Variants in IGF2BP2 observed in about 807,000 individuals in gnomAD.
IGF2BP2 encodes the protein insulin-like growth factor 2 mRNA-binding protein 2.
A neutral mutation model predicts 75.8 loss-of-function variants in IGF2BP2; 17 were observed. The ratio of observed to expected loss-of-function variants is 0.22; its 90% confidence interval spans 0.15 to 0.34. The LOEUF (loss-of-function observed/expected upper bound fraction) is 0.34, where lower values mean the gene tolerates loss of function less well. IGF2BP2 is among the 10% of genes least tolerant of loss of function. IGF2BP2 has a pLI of 1.00. For synonymous variants in IGF2BP2, 288 were observed against 295.6 expected, an observed-to-expected ratio of 0.97 and a Z score of 0.26; for missense variants, 516 against 772.4, an observed-to-expected ratio of 0.67 and a Z score of 3.93.
At chr3:185,793,892 G>A (rs1736969329) in intron 2 of IGF2BP2, among the ~76,000 whole-genome samples, 1 of 151,290 alleles carries the variant, frequency 6.6e-6, no homozygotes, top group East Asian at 1.9e-4. Flanking sequence ...AGGATGGACA[G>A]TAGATTGAAG....
chr3:185,803,383 T>A (rs1738546046), intron 2 of IGF2BP2, among the ~76,000 whole-genome samples: 1 of 152,100 alleles, frequency 6.6e-6, no homozygotes, highest in African/African-American at 2.4e-5. Context: ...AGCCCTAAAT[T>A]ACAGTATTAC....
chr3:185,821,155 C>A, intron 2 of IGF2BP2: 1 of 1,449,018 alleles, frequency 6.9e-7, no homozygotes, highest in Non-Finnish European at 9.0e-7. Context: ...CTAATTTCTG[C>A]ATTTAAACTA....
chr3:185,659,238 AAG>A (rs1316200393), intron 10 of IGF2BP2, among the ~76,000 whole-genome samples: 2 of 151,990 alleles, frequency 1.3e-5, no homozygotes, highest in Non-Finnish European at 2.9e-5. Context: ...AGAAAAAAAA[AAG>A]AGAGAGAGTG....
intron 2 of IGF2BP2, among the ~76,000 whole-genome samples, chr3:185,703,407 G>A (rs1240781621): frequency 6.6e-6 from 1 of 152,056 alleles, no homozygotes; most frequent in African/African-American, 2.4e-5. Flanking sequence ...ATTTAGTTAC[G>A]GTAGAATTTG....
intron 2 of IGF2BP2, among the ~76,000 whole-genome samples, chr3:185,786,424 T>G (rs2060836127): frequency 6.6e-6 from 1 of 152,188 alleles, no homozygotes; most frequent in East Asian, 1.9e-4. Flanking sequence ...GGTTCCTGCC[T>G]TCACTGATGA....
intron 2 of IGF2BP2, among the ~76,000 whole-genome samples, chr3:185,707,848 T>C (rs1029106693): frequency 5.9e-5 from 9 of 152,188 alleles, no homozygotes; most frequent in Admixed American, 5.9e-4. Flanking sequence ...CCTCAACTCA[T>C]TCTGTGCAAT....
intron 2 of IGF2BP2, among the ~76,000 whole-genome samples, chr3:185,748,557 T>C (rs1287325343): frequency 3.3e-5 from 5 of 152,216 alleles, no homozygotes; most frequent in African/African-American, 4.8e-5. Context: ...AGACCAGCAG[T>C]AGAAACTGCT....
At chr3:185,756,688 A>C (rs1731662391) in intron 2 of IGF2BP2, among the ~76,000 whole-genome samples, 1 of 152,132 alleles carries the variant, frequency 6.6e-6, no homozygotes, top group Admixed American at 6.5e-5. Context: ...GAAACTCAGG[A>C]GGTGGCCGGG....
intron 2 of IGF2BP2, among the ~76,000 whole-genome samples, chr3:185,700,645 A>C (rs1306451248): frequency 2.0e-5 from 3 of 152,228 alleles, no homozygotes; most frequent in Non-Finnish European, 4.4e-5. Context: ...CTAAAGAAAA[A>C]TATTTTTGTT....
chr3:185,674,425 G>A (rs771401849), intron 9 of IGF2BP2, among the ~76,000 whole-genome samples: 9 of 152,186 alleles, frequency 5.9e-5, no homozygotes, highest in African/African-American at 1.4e-4. Context: ...GACTTTTGCT[G>A]ATGGCCAATT....
chr3:185,655,609 G>A (rs1167653218), intron 12 of IGF2BP2, among the ~76,000 whole-genome samples: 1 of 152,206 alleles, frequency 6.6e-6, no homozygotes, highest in Non-Finnish European at 1.5e-5. Context: ...TCCTGACGCA[G>A]CACTGCTGTC....
chr3:185,707,943 CAATT>C (rs1430004145), intron 2 of IGF2BP2, among the ~76,000 whole-genome samples: 1 of 152,158 alleles, frequency 6.6e-6, no homozygotes, highest in Non-Finnish European at 1.5e-5. Flanking sequence ...CCCCGTTTCT[CAATT>C]TATTTTATTT....
At chr3:185,758,745 T>C (rs761380372) in intron 2 of IGF2BP2, among the ~76,000 whole-genome samples, 1 of 152,192 alleles carries the variant, frequency 6.6e-6, no homozygotes, top group Non-Finnish European at 1.5e-5. Context: ...GGCTAGGTAA[T>C]GTGGAAACTC....
rs1714706993 is a variant in IGF2BP2 at position 185,652,159 on chromosome 3, C to T, written c.1396G>A (p.Ala466Thr). 1 of 1,612,252 alleles carries T rather than the reference C, an allele frequency of 6.2e-7. No homozygotes were observed. The highest frequency in any genetic ancestry group is 8.5e-7 in the Non-Finnish European group (1 of 1,178,766). Residue 466 changes from alanine to threonine, a missense_variant, in exon 13 of 16, where the codon GCG becomes ACG. Physicochemically the swap from Ala to Thr is moderately conservative, Grantham distance 58. Around this residue, in one of 3 missense-constraint regions of IGF2BP2, gnomAD observed 129 missense variants for 230.5 expected, o/e 0.56. Transcript: ENST00000382199. Reference protein sequence around the residue: ...FAGASIKIAPAEGPDVSERMV... With the variant: ...FAGASIKIAPTEGPDVSERMV... ...CTTTCGCTGACGTCTGGGCCTTCCG[C>T]AGGGGCAATCTGTGGTTCACAGGAG...
chr3:185,653,599 C>G (rs1019818261), intron 12 of IGF2BP2, among the ~76,000 whole-genome samples: 13 of 151,202 alleles, frequency 8.6e-5, no homozygotes, highest in Non-Finnish European at 1.8e-4. Context: ...GGTGACAGAG[C>G]GAGACTCCGT....
chr3:185,725,956 TG>T (rs2149489179), intron 2 of IGF2BP2, among the ~76,000 whole-genome samples: 1 of 152,280 alleles, frequency 6.6e-6, no homozygotes, highest in South Asian at 2.1e-4. Flanking sequence ...AGGGTGAAAC[TG>T]TCAAAAAATA....
rs1251228406 is a variant in IGF2BP2, at chr3:185,787,688, A to T, written c.239+35465T>A. On this transcript the variant is annotated intron_variant, in intron 2 of 15. Transcript: ENST00000382199. ...GCAGAGGCTTCAGTGAGCTAAGATCACACCACTGCACTCCCGCCTGGGCAA... is the reference window on the plus strand; with the variant it reads ...GCAGAGGCTTCAGTGAGCTAAGATCTCACCACTGCACTCCCGCCTGGGCAA... Among the ~76,000 whole-genome samples the T allele has an allele frequency of 3.3e-5, 5 of 151,974 alleles. No individual in the cohort carries two copies. The East Asian group carries it at 9.7e-4, about 29-fold the overall frequency.
At chr3:185,728,854 C>A (rs948698236) in intron 2 of IGF2BP2, 1 of 152,192 alleles carries the variant, frequency 6.6e-6, no homozygotes, top group Non-Finnish European at 1.5e-5. Context: ...CCTCAAGACC[C>A]TTTCAGGGGT....
At chr3:185,732,433 T>A (rs1728313591) in intron 2 of IGF2BP2, among the ~76,000 whole-genome samples, 1 of 152,218 alleles carries the variant, frequency 6.6e-6, no homozygotes, top group African/African-American at 2.4e-5. Context: ...TTTCTCAGTA[T>A]GATAAACAAC....
Sources: gnomAD v4.1 joint callset for allele counts (sites outside exome capture counted in the v4.1 genomes callset) on GRCh38, gnomAD v4.1.1 for gene constraint, gnomAD v4.1.1 regional missense constraint, MANE v1.5 for transcripts, NCBI Gene and HGNC (gene_info 2026-07-23, HGNC 2026-07-21) for gene names.